NEK11: variants seen among roughly 807,000 people sequenced by gnomAD.
The protein encoded by NEK11 is NIMA related kinase 11, also known as serine/threonine-protein kinase Nek11.
In NEK11, 72 loss-of-function variants were observed where a neutral mutation model predicts 80.7. The ratio of observed to expected loss-of-function variants is 0.89; its 90% CI spans 0.74 to 1.08. The LOEUF is 1.08. Among genes scored for constraint, NEK11 ranks in the 50% least tolerant of loss-of-function variants. NEK11 has a pLI of 0.00. For missense variants in NEK11, 764 were observed against 763.6 expected, an observed-to-expected ratio of 1.00 and a Z score of -0.01; for synonymous variants, 251 against 260.7, an observed-to-expected ratio of 0.96 and a Z score of 0.36.
At chr3:131,345,771 CA>C (rs1255167198) in intron 17 of NEK11, among the ~76,000 whole-genome samples, 1 of 152,016 alleles carries the variant, frequency 6.6e-6, no homozygotes, top group Non-Finnish European at 1.5e-5. Flanking sequence ...GATATGGAAA[CA>C]ATCTAAATGT....
chr3:131,084,339 C>T (rs371810327), intron 4 of NEK11, among the ~76,000 whole-genome samples: 1 of 152,162 alleles, frequency 6.6e-6, no homozygotes, highest in Admixed American at 6.5e-5. Flanking sequence ...TATTCTTTAC[C>T]TCTTGGTTCC....
At chr3:131,327,743 A>G (rs1196464325) in intron 17 of NEK11, 1 of 150,066 alleles carries the variant, frequency 6.7e-6, no homozygotes, top group African/African-American at 2.4e-5. Context: ...GGTGGTTAAA[A>G]AAAAAAAAAA....
intron 4 of NEK11, among the ~76,000 whole-genome samples, chr3:131,082,054 G>T (rs2075352376): frequency 6.6e-6 from 1 of 152,184 alleles, no homozygotes; most frequent in Admixed American, 6.5e-5. Flanking sequence ...TCTTGACCCT[G>T]CTTTGCTTGG....
chr3:131,246,786 A>G (rs1201903507), intron 16 of NEK11, among the ~76,000 whole-genome samples: 5 of 151,924 alleles, frequency 3.3e-5, no homozygotes, highest in African/African-American at 1.2e-4. Flanking sequence ...TTATTTTCTG[A>G]TTTTTAAAAT....
At position 131,028,557 on chromosome 3, in the gene NEK11, T is replaced by C. The variant is rs184977406; in HGVS notation, c.-97+555T>C. On this transcript the variant is annotated intron_variant, in intron 2 of 17. Coordinates refer to ENST00000383366, the MANE Select transcript of NEK11 (RefSeq NM_024800.5). The stretch of plus-strand genomic sequence containing the variant: ...GAAACAGTCCTGCCTTTCTTTTTTT[T>C]GTTTTTGTTTTTGTTTTTGTTTTTG... Among the ~76,000 whole-genome samples the C allele has an allele frequency of 9.8e-3, 517 of 53,020 alleles. 1 individual carries two copies. Among genetic ancestry groups the C allele is most frequent in the African/African-American group, 0.017 (490 of 29,342 alleles). The allele number at this position is 53,020 out of a possible 152,430, so 34.8% of individuals were successfully genotyped here. A position where few individuals can be genotyped will look rare whatever the true frequency, so the allele number is the denominator to read the frequency against.
At chr3:131,226,406 G>T (rs774920826) in intron 14 of NEK11, among the ~76,000 whole-genome samples, 7 of 152,074 alleles carry the variant, frequency 4.6e-5, no homozygotes, top group Non-Finnish European at 8.8e-5. Flanking sequence ...ATTCACAATT[G>T]CAAGGATATG....
chr3:131,277,919 G>C (rs1024049558), intron 17 of NEK11, among the ~76,000 whole-genome samples: 2 of 152,218 alleles, frequency 1.3e-5, no homozygotes, highest in Admixed American at 1.3e-4. Context: ...ATGGCACATA[G>C]TAAGTGCTCA....
At chr3:131,049,021 T>C (rs2067903913) in intron 3 of NEK11, among the ~76,000 whole-genome samples, 1 of 152,250 alleles carries the variant, frequency 6.6e-6, no homozygotes, top group Non-Finnish European at 1.5e-5. Flanking sequence ...TTGGTGTCCA[T>C]TTTGACTTCG....
chr3:131,218,550 T>C (rs564298193), intron 14 of NEK11, among the ~76,000 whole-genome samples: 20 of 152,324 alleles, frequency 1.3e-4, no homozygotes, highest in African/African-American at 4.6e-4. Context: ...GCAACTGTTA[T>C]AGGCTTCACT....
At chr3:131,108,530 G>A (rs2149335402) in intron 4 of NEK11, among the ~76,000 whole-genome samples, 1 of 152,148 alleles carries the variant, frequency 6.6e-6, no homozygotes. Context: ...AAATGGATCA[G>A]GTCTAAGGGT....
chr3:131,196,459 T>C (rs1029804772), intron 14 of NEK11, among the ~76,000 whole-genome samples: 12 of 152,178 alleles, frequency 7.9e-5, no homozygotes, highest in African/African-American at 2.9e-4. Context: ...GGAATTTCTT[T>C]ATAATTATGA....
chr3:131,307,079 T>C (rs2096731000), intron 17 of NEK11, among the ~76,000 whole-genome samples: 1 of 152,212 alleles, frequency 6.6e-6, no homozygotes, highest in Non-Finnish European at 1.5e-5. Flanking sequence ...TTCAGCCTTT[T>C]ACTTATTAGG....
intron 5 of NEK11, among the ~76,000 whole-genome samples, chr3:131,129,379 C>A (rs987791655): frequency 1.3e-5 from 2 of 152,062 alleles, no homozygotes; most frequent in Admixed American, 6.6e-5. Flanking sequence ...ACGTCTTTTG[C>A]AAATATTTTC....
intron 10 of NEK11, among the ~76,000 whole-genome samples, chr3:131,158,742 C>A (rs765506840): frequency 3.9e-5 from 6 of 152,234 alleles, no homozygotes; most frequent in Non-Finnish European, 5.9e-5. Flanking sequence ...GGCACCCTGA[C>A]ACCTGCTAGC....
At position 131,349,853 on chromosome 3, in the gene NEK11, A is replaced by G. The variant is rs2097427827; in HGVS notation, c.*77A>G. 2 of 1,060,436 alleles carry G rather than the reference A, an allele frequency of 1.9e-6. No homozygotes were observed. The highest frequency in any genetic ancestry group is 1.6e-5 in the African/African-American group (1 of 63,210). The allele number at this position is 1,060,436 out of a possible 1,614,324, so 65.7% of individuals were successfully genotyped here. A position where few individuals can be genotyped will look rare whatever the true frequency, so the allele number is the denominator to read the frequency against. On this transcript the variant is annotated 3_prime_UTR_variant, in exon 18 of 18. Transcript: ENST00000383366. The stretch of plus-strand genomic sequence containing the variant: ...TCATTTAACATATAAGCTGAACTCT[A>G]TTATGGGGAATGGATACAAAAGCAG...
At chr3:131,061,417 T>C (rs2070843624) in intron 3 of NEK11, among the ~76,000 whole-genome samples, 1 of 152,198 alleles carries the variant, frequency 6.6e-6, no homozygotes, top group Non-Finnish European at 1.5e-5. Flanking sequence ...TTTCTGGGGA[T>C]GTTATGCTAT....
chr3:131,074,285 G>T (rs1231179312), intron 3 of NEK11, among the ~76,000 whole-genome samples: 1 of 152,098 alleles, frequency 6.6e-6, no homozygotes, highest in East Asian at 1.9e-4. Context: ...GCTATGTAAA[G>T]CTTAAATATT....
At chr3:131,311,312 A>G (rs2096780346) in intron 17 of NEK11, among the ~76,000 whole-genome samples, 1 of 152,126 alleles carries the variant, frequency 6.6e-6, no homozygotes, top group Non-Finnish European at 1.5e-5. Flanking sequence ...CATTGTGGTT[A>G]ACTATAGTCA....
At chr3:131,227,274 C>A (rs1025195136) in intron 14 of NEK11, among the ~76,000 whole-genome samples, 23 of 152,254 alleles carry the variant, frequency 1.5e-4, no homozygotes, top group African/African-American at 5.5e-4. Context: ...AATTCTACAT[C>A]CATTAAGTAT....
Sources: allele counts gnomAD v4.1 joint callset (sites outside exome capture counted in the v4.1 genomes callset), GRCh38; gene constraint gnomAD v4.1.1; transcripts MANE v1.5; gene names NCBI Gene and HGNC (gene_info 2026-07-23, HGNC 2026-07-21).